The following TMEM135 variants were observed in gnomAD, a reference collection of about 807,000 sequenced individuals.
TMEM135 encodes peroxisomal membrane protein 52.
In TMEM135, 30 loss-of-function variants were observed where a neutral mutation model predicts 60.3. The observed-to-expected ratio is 0.50, with a 90% CI of 0.37 to 0.68. The LOEUF (loss-of-function observed/expected upper bound fraction) is 0.68, where lower values mean the gene tolerates loss of function less well. TMEM135 is among the 30% of genes least tolerant of loss of function. The pLI is 0.00. For missense variants in TMEM135, 468 were observed against 548.8 expected (o/e 0.85, Z 1.47); for synonymous variants, 190 against 186.7 (o/e 1.02, Z -0.14).
chr11:87,108,511 GA>G (rs1857657633), intron 4 of TMEM135, among the ~76,000 whole-genome samples: 1 of 151,722 alleles, frequency 6.6e-6, no homozygotes, highest in South Asian at 2.1e-4. Context: ...CAGTTTTGTT[GA>G]TTTTTTTATA....
At chr11:87,096,672 C>T (rs1857337309) in intron 4 of TMEM135, 1 of 152,072 alleles carries the variant, frequency 6.6e-6, no homozygotes, top group Admixed American at 6.5e-5. Flanking sequence ...TGGGAAAAAA[C>T]CCTACAAAGT....
At position 87,321,422 on chromosome 11, in the gene TMEM135, T is replaced by G; in HGVS notation, c.*89T>G. 1 of 1,372,790 alleles carries G rather than the reference T, an allele frequency of 7.3e-7. No homozygotes were observed. Among genetic ancestry groups the G allele is most frequent in the Non-Finnish European group, 1.0e-6 (1 of 964,294 alleles). The allele number at this position is 1,372,790 out of a possible 1,614,324, so 85.0% of individuals were successfully genotyped here. ...CAAAGGAGGGGGCCCAAGCTCGAAC[T>G]TCAGTGTTATTTCAGTTAGAGATAC... On this transcript the variant is annotated 3_prime_UTR_variant, in exon 15 of 15. Transcript: ENST00000305494.
intron 6 of TMEM135, chr11:87,259,118 C>G: frequency 1.3e-6 from 1 of 796,054 alleles, no homozygotes; most frequent in Non-Finnish European, 2.2e-6. Context: ...TCGGAAACAT[C>G]TCCATCAGGC....
chr11:87,286,539 CGGTCGA>C (rs1565157162), intron 6 of TMEM135, among the ~76,000 whole-genome samples: 1 of 152,180 alleles, frequency 6.6e-6, no homozygotes, highest in East Asian at 1.9e-4. Flanking sequence ...AGCCCTTAGG[CGGTCGA>C]TGGGACCGGG....
chr11:87,245,101 G>A (rs1201909540), intron 6 of TMEM135, among the ~76,000 whole-genome samples: 5 of 132,356 alleles, frequency 3.8e-5, no homozygotes, highest in Non-Finnish European at 8.2e-5. Context: ...CCTTCATTTC[G>A]TTATGTACTC....
At chr11:87,213,888 C>G (rs776905395) in intron 5 of TMEM135, among the ~76,000 whole-genome samples, 27 of 152,170 alleles carry the variant, frequency 1.8e-4, no homozygotes, top group Admixed American at 3.3e-4. Flanking sequence ...TTATCTTGTT[C>G]TCAATGTAGA....
rs200969171 is a variant in TMEM135, at chr11:87,191,987, C to CTTTTTTTTTTTTT, written c.462+34587_462+34599dup. Among the ~76,000 whole-genome samples, 40 of 77,182 alleles carry CTTTTTTTTTTTTT rather than the reference C, an allele frequency of 5.2e-4. 1 individual carries two copies. Among genetic ancestry groups the CTTTTTTTTTTTTT allele is most frequent in the South Asian group, 1.9e-3 (4 of 2,052 alleles). The allele number at this position is 77,182 out of a possible 152,430, so 50.6% of individuals were successfully genotyped here. ...TCTTTTGTTTCTTTTCTTTTCTTTT[C>CTTTTTTTTTTTTT]TTTTTTTTTTTTTTTTTTCGAGATG... is the stretch of plus-strand genomic sequence containing the variant. On this transcript the variant is annotated intron_variant, in intron 5 of 14. Transcript: ENST00000305494.
Position 87,327,601 on chromosome 11 carries a change from T to G in TMEM135, c.*6268T>G. The stretch of plus-strand genomic sequence containing the variant: ...AGAGGGGATTAAGGGAGTTGGCTCA[T>G]GTGATTGTGGAGGCTGAGAAACCCC... On this transcript the variant is annotated 3_prime_UTR_variant, in exon 15 of 15. Coordinates refer to ENST00000305494, the MANE Select transcript of TMEM135 (RefSeq NM_022918.4). 2.2e-6 allele frequency: 1 copy of G among 452,920 alleles called. No homozygotes were observed. The highest frequency in any genetic ancestry group is 1.6e-5 in the South Asian group (1 of 64,400). 28.1% of individuals were successfully genotyped at this position (452,920 alleles called of 1,614,324 possible). A position where few individuals can be genotyped will look rare whatever the true frequency, so the allele number is the denominator to read the frequency against.
At chr11:87,201,949 T>TG (rs1940103196) in intron 5 of TMEM135, among the ~76,000 whole-genome samples, 14 of 144,852 alleles carry the variant, frequency 9.7e-5, no homozygotes, top group Non-Finnish European at 2.0e-4. Context: ...GGTATTTATT[T>TG]TTTATGTTAT....
In TMEM135 at chr11:87,165,837, C is replaced by T. The variant is rs181772120; in HGVS notation, c.462+8431C>T. Among the ~76,000 whole-genome samples, 3 of 134,996 alleles carry T rather than the reference C, an allele frequency of 2.2e-5. No homozygotes were observed. The Admixed American group carries it at 2.4e-4, about 11-fold the overall frequency. The allele number at this position is 134,996 out of a possible 152,430, so 88.6% of individuals were successfully genotyped here. On this transcript the variant is annotated intron_variant, in intron 5 of 14. Coordinates refer to ENST00000305494, the MANE Select transcript of TMEM135 (RefSeq NM_022918.4). ...TGAAAGGATCAATAAAATTGATAGACCGCTAGTAAGACTAATAAAGAAAAA... is the reference window on the plus strand; with the variant it reads ...TGAAAGGATCAATAAAATTGATAGATCGCTAGTAAGACTAATAAAGAAAAA...
chr11:87,119,907 G>A (rs1180317502), intron 4 of TMEM135, among the ~76,000 whole-genome samples: 1 of 151,632 alleles, frequency 6.6e-6, no homozygotes, highest in African/African-American at 2.4e-5. Flanking sequence ...AACAGTATCT[G>A]TGAAGTGCAA....
intron 6 of TMEM135, among the ~76,000 whole-genome samples, chr11:87,276,665 A>G (rs1380502755): frequency 8.6e-6 from 1 of 115,638 alleles, no homozygotes; most frequent in Admixed American, 9.9e-5. Context: ...GTGTTTGTGA[A>G]TTTTTTTTTT....
intron 4 of TMEM135, among the ~76,000 whole-genome samples, chr11:87,092,405 CAT>C (rs1462087407): frequency 6.6e-6 from 1 of 152,152 alleles, no homozygotes; most frequent in African/African-American, 2.4e-5. Flanking sequence ...AATCTGATGA[CAT>C]ATGTGGACAT....
chr11:87,084,310 G>T (rs1469589152), intron 3 of TMEM135, among the ~76,000 whole-genome samples: 2 of 96,770 alleles, frequency 2.1e-5, no homozygotes, highest in African/African-American at 5.3e-5. Flanking sequence ...TGTAGCAGTG[G>T]TTCTTTTTTT....
intron 5 of TMEM135, among the ~76,000 whole-genome samples, chr11:87,173,425 C>T (rs747046064): frequency 1.3e-5 from 2 of 152,084 alleles, no homozygotes; most frequent in Non-Finnish European, 2.9e-5. Flanking sequence ...GTAAACTAAA[C>T]CAAAATGGTT....
chr11:87,053,253 CTT>C (rs1949857375), intron 1 of TMEM135, among the ~76,000 whole-genome samples: 1 of 147,682 alleles, frequency 6.8e-6, no homozygotes, highest in Middle Eastern at 3.4e-3. Context: ...TGAGTTATGA[CTT>C]TGAGAAAAAA....
At chr11:87,111,094 G>A (rs1857732518) in intron 4 of TMEM135, among the ~76,000 whole-genome samples, 1 of 152,114 alleles carries the variant, frequency 6.6e-6, no homozygotes, top group East Asian at 1.9e-4. Context: ...CCTAAACATA[G>A]CTATAGAGTA....
At chr11:87,080,168 GTTT>G (rs35717116) in intron 3 of TMEM135, among the ~76,000 whole-genome samples, 2 of 128,352 alleles carry the variant, frequency 1.6e-5, no homozygotes, top group Non-Finnish European at 1.6e-5. Flanking sequence ...TGTTTGCAGT[GTTT>G]TTTTTTTTTT....
intron 4 of TMEM135, among the ~76,000 whole-genome samples, chr11:87,112,881 A>C (rs559323051): frequency 6.6e-6 from 1 of 152,196 alleles, no homozygotes; most frequent in Non-Finnish European, 1.5e-5. Flanking sequence ...TGAAAATAAC[A>C]TAAGTTTAAC....
Sources: allele counts gnomAD v4.1 joint callset (sites outside exome capture counted in the v4.1 genomes callset), GRCh38; gene constraint gnomAD v4.1.1; transcripts MANE v1.5; gene names NCBI Gene and HGNC (gene_info 2026-07-23, HGNC 2026-07-21).